UGT3A2: variants seen among roughly 807,000 people sequenced by gnomAD.
The protein encoded by UGT3A2 is UDP glycosyltransferase family 3 member A2.
In UGT3A2, 32 loss-of-function variants were observed where a neutral mutation model predicts 39.8. That is an observed-to-expected ratio of 0.80 (90% CI 0.61 to 1.08). UGT3A2 has a LOEUF of 1.08. Among genes scored for constraint, UGT3A2 ranks in the 50% least tolerant of loss-of-function variants. The pLI is 0.00. For synonymous variants in UGT3A2, 241 were observed against 230.7 expected, an observed-to-expected ratio of 1.04 and a Z score of -0.40; for missense variants, 611 against 637.1, an observed-to-expected ratio of 0.96 and a Z score of 0.44.
intron 2 of UGT3A2, among the ~76,000 whole-genome samples, chr5:36,056,537 T>C (rs548480512): frequency 2.8e-4 from 43 of 152,350 alleles, no homozygotes; most frequent in African/African-American, 9.9e-4. Flanking sequence ...TGTTCTTTCT[T>C]AGCAGACTCA....
intron 3 of UGT3A2, among the ~76,000 whole-genome samples, chr5:36,049,971 A>C (rs955321849): frequency 6.6e-6 from 1 of 152,132 alleles, no homozygotes; most frequent in Non-Finnish European, 1.5e-5. Context: ...CGAAAATGAG[A>C]ATTCCACCTT....
chr5:36,064,581 G>A (rs1742822372), intron 1 of UGT3A2, among the ~76,000 whole-genome samples: 1 of 152,156 alleles, frequency 6.6e-6, no homozygotes, highest in South Asian at 2.1e-4. Context: ...ATTGCCTCTT[G>A]TGAATCACGG....
At position 36,035,840 on chromosome 5, in the gene UGT3A2, T is replaced by C; in HGVS notation, c.1430A>G (p.Gln477Arg). 1.9e-6 allele frequency: 3 copies of C among 1,614,110 alleles called. No individual in the cohort carries two copies. The highest frequency in any genetic ancestry group is 2.5e-6 in the Non-Finnish European group (3 of 1,180,016). ...GATHLKPYVF[Q>R]QPWHEQYLLD... ...CAGGTACTGCTCATGCCAGGGCTGC[T>C]GAAAGACATAGGGCTTGAGGTGCGT... The change falls in exon 7 of 7, where the codon CAG becomes CGG. Residue 477 changes from glutamine (Q) to arginine (R), a missense_variant. Gln to Arg is a conservative substitution (Grantham distance 43). Transcript: ENST00000282507.
At chr5:36,057,496 A>G (rs1483459268) in intron 2 of UGT3A2, among the ~76,000 whole-genome samples, 1 of 151,578 alleles carries the variant, frequency 6.6e-6, no homozygotes, top group Non-Finnish European at 1.5e-5. Flanking sequence ...AAAGAGTAAA[A>G]GGTCTGTAGC....
At position 36,064,334 on chromosome 5, in the gene UGT3A2, T is replaced by C. The variant is rs772243100; in HGVS notation, c.111A>G (p.Leu37=). The change falls in exon 2 of 7, where the codon CTA becomes CTG. Residue 37 remains leucine (L), a synonymous_variant. Coordinates refer to ENST00000282507, the MANE Select transcript of UGT3A2 (RefSeq NM_174914.4). ...TISTVGGSHY[L]LMDRVSQILQ... ...GAATCTGAGAAACCCGGTCCATCAG[T>C]AGATAATGGCTTCCACCTAGGAACA... The C allele has an allele frequency of 1.2e-6, 2 of 1,614,136 alleles. No homozygotes were observed. The highest frequency in any genetic ancestry group is 3.3e-5 in the Admixed American group (2 of 60,016).
In UGT3A2 at chr5:36,064,465, G is replaced by A. The variant is rs1458700511; in HGVS notation, c.95-115C>T. On this transcript the variant is annotated intron_variant, in intron 1 of 6. Transcript: ENST00000282507. ...AAACAGAAGTGGATAGTGATTGGAG[G>A]AAGATGAGTTTTGCCAGTCTCCTCA... 28 of 930,930 alleles carry A rather than the reference G, an allele frequency of 3.0e-5. No homozygotes were observed. In the Admixed American group the frequency reaches 6.5e-4, roughly 21 times the overall value. 57.7% of individuals were successfully genotyped at this position (930,930 alleles called of 1,614,324 possible). A position where few individuals can be genotyped will look rare whatever the true frequency, so the allele number is the denominator to read the frequency against.
chr5:36,045,280 GA>G (rs1742132255), intron 4 of UGT3A2, among the ~76,000 whole-genome samples: 1 of 152,104 alleles, frequency 6.6e-6, no homozygotes, highest in South Asian at 2.1e-4. Context: ...TGCATATGCA[GA>G]AGAATAAAAC....
intron 4 of UGT3A2, 59 bp downstream of exon 4, chr5:36,048,830 C>A: frequency 6.4e-7 from 1 of 1,563,020 alleles, no homozygotes; most frequent in Admixed American, 1.8e-5. Context: ...TGGCAGCCAC[C>A]AACTATGCAC....
At position 36,035,564 on chromosome 5, in the gene UGT3A2, C is replaced by T. The variant is rs541600464; in HGVS notation, c.*134G>A. ...GCAAGTGGAAAGGATGATTTTTGGC[C>T]ATTTTTCCTGTTCTTCAAGAAAACA... On this transcript the variant is annotated 3_prime_UTR_variant, in exon 7 of 7. Coordinates refer to ENST00000282507, the MANE Select transcript of UGT3A2 (RefSeq NM_174914.4). 774 of 1,341,880 alleles carry T rather than the reference C, an allele frequency of 5.8e-4. 1 individual carries two copies. The highest frequency in any genetic ancestry group is 7.4e-4 in the Non-Finnish European group (739 of 997,704). 83.1% of individuals were successfully genotyped at this position (1,341,880 alleles called of 1,614,324 possible). A position where few individuals can be genotyped will look rare whatever the true frequency, so the allele number is the denominator to read the frequency against.
At chr5:36,065,820 TAG>T (rs1288198718) in intron 1 of UGT3A2, among the ~76,000 whole-genome samples, 4 of 152,048 alleles carry the variant, frequency 2.6e-5, no homozygotes, top group Non-Finnish European at 4.4e-5. Context: ...GGCACTAAAT[TAG>T]ATGATCTGTG....
In UGT3A2 at chr5:36,048,930, C is replaced by T. The variant is rs770280220; in HGVS notation, c.802G>A (p.Val268Ile). The change falls in exon 4 of 7, where the codon GTT becomes ATT. Residue 268 changes from valine (V) to isoleucine (I), a missense_variant. Val to Ile is a conservative substitution (Grantham distance 29). Coordinates refer to ENST00000282507, the MANE Select transcript of UGT3A2 (RefSeq NM_174914.4). The part of the protein sequence containing the change: ...ARPLLPNTVY[V>I]GGLMEKPIKP... ...ATAGGTTTTTCCATCAAGCCTCCAA[C>T]ATAAACAGTGTTGGGAAGCAGAGGT... The T allele has an allele frequency of 2.7e-5, 43 of 1,614,020 alleles. No individual in the cohort carries two copies. The highest frequency in any genetic ancestry group is 3.4e-5 in the Non-Finnish European group (40 of 1,180,028).
intron 2 of UGT3A2, among the ~76,000 whole-genome samples, chr5:36,052,370 C>G (rs1742371309): frequency 6.6e-6 from 1 of 151,962 alleles, no homozygotes; most frequent in Admixed American, 6.6e-5. Context: ...TAAATTCAGT[C>G]AAAAAGTACT....
chr5:36,043,568 A>G (rs1453744469), intron 4 of UGT3A2, among the ~76,000 whole-genome samples: 1 of 151,990 alleles, frequency 6.6e-6, no homozygotes, highest in East Asian at 1.9e-4. Flanking sequence ...AAAAAGATCA[A>G]TGAAATGAAA....
intron 2 of UGT3A2, among the ~76,000 whole-genome samples, chr5:36,062,475 C>T (rs1333264911): frequency 6.6e-6 from 1 of 151,828 alleles, no homozygotes; most frequent in South Asian, 2.1e-4. Context: ...AGCCAGTTTT[C>T]CCAGCACCAT....
chr5:36,055,106 T>G (rs1742464011), intron 2 of UGT3A2, among the ~76,000 whole-genome samples: 1 of 151,532 alleles, frequency 6.6e-6, no homozygotes, highest in Non-Finnish European at 1.5e-5. Flanking sequence ...ACCATGGCAC[T>G]CCAGCCTGCA....
At chr5:36,051,453 G>A (rs1057013793) in intron 3 of UGT3A2, among the ~76,000 whole-genome samples, 1 of 152,182 alleles carries the variant, frequency 6.6e-6, no homozygotes, top group African/African-American at 2.4e-5. Flanking sequence ...AAGACAGTAA[G>A]TGGGAAAAGG....
At chr5:36,045,050 A>T (rs1288394736) in intron 4 of UGT3A2, among the ~76,000 whole-genome samples, 1 of 152,156 alleles carries the variant, frequency 6.6e-6, no homozygotes, top group Non-Finnish European at 1.5e-5. Context: ...AAAAGAACAA[A>T]ACTGGAAGAA....
At chr5:36,064,782 C>G (rs1254737429) in intron 1 of UGT3A2, among the ~76,000 whole-genome samples, 1 of 152,162 alleles carries the variant, frequency 6.6e-6, no homozygotes, top group East Asian at 1.9e-4. Context: ...AGAGCTGTTT[C>G]TGGGATCCTG....
chr5:36,042,102 ATG>A (rs1742027667), intron 4 of UGT3A2, among the ~76,000 whole-genome samples: 1 of 152,062 alleles, frequency 6.6e-6, no homozygotes, highest in South Asian at 2.1e-4. Flanking sequence ...GGAGTTGAAA[ATG>A]CATTTGACAT....
Sources: allele counts gnomAD v4.1 joint callset (sites outside exome capture counted in the v4.1 genomes callset), GRCh38; gene constraint gnomAD v4.1.1; transcripts MANE v1.5; gene names NCBI Gene and HGNC (gene_info 2026-07-23, HGNC 2026-07-21).